SYNE1: variants seen among roughly 807,000 people sequenced by gnomAD.
SYNE1 encodes nesprin-1.
In SYNE1, 616 loss-of-function variants were observed where a neutral mutation model predicts 1,111.0. The observed-to-expected ratio is 0.55, with a 90% CI of 0.52 to 0.59. The LOEUF (loss-of-function observed/expected upper bound fraction) is 0.59. Among genes scored for constraint, SYNE1 ranks in the 20% least tolerant of loss-of-function variants. The pLI is 0.00. For missense variants in SYNE1, 10,006 were observed against 10,417.0 expected (o/e 0.96, Z 1.72); for synonymous variants, 3,855 against 3,825.8 (o/e 1.01, Z -0.28).
chr6:152,151,673 A>G lies in SYNE1; in HGVS notation c.24330T>C (p.Arg8110=), dbSNP rs994710536. 1.2e-6 allele frequency: 2 copies of G among 1,614,092 alleles called. No individual in the cohort carries two copies. The highest frequency in any genetic ancestry group is 1.7e-6 in the Non-Finnish European group (2 of 1,179,998). Residue 8110 remains arginine (R), a synonymous_variant, in exon 135 of 146, where the codon CGT becomes CGC. Transcript: ENST00000367255. ...LRRLKHFIGQ[R]EEFETARDSI... ...TGTCCCGCGCAGTCTCAAACTCCTCACGCTGGCCAATAAAATGCTGGAAGG... is the reference window on the plus strand; with the variant it reads ...TGTCCCGCGCAGTCTCAAACTCCTCGCGCTGGCCAATAAAATGCTGGAAGG...
intron 3 of SYNE1, among the ~76,000 whole-genome samples, chr6:152,558,447 T>A (rs530632004): frequency 2.0e-4 from 31 of 152,320 alleles, no homozygotes; most frequent in African/African-American, 7.2e-4. Context: ...CTACAAGAGA[T>A]TCACTTTAGC....
chr6:152,285,106 G>A (rs2094255344), intron 95 of SYNE1, among the ~76,000 whole-genome samples: 2 of 152,178 alleles, frequency 1.3e-5, no homozygotes, highest in South Asian at 4.2e-4. Flanking sequence ...GTTCACGGGT[G>A]TCTGCATAGT....
chr6:152,428,663 A>G (rs1396194314), intron 36 of SYNE1, among the ~76,000 whole-genome samples: 1 of 152,140 alleles, frequency 6.6e-6, no homozygotes, highest in African/African-American at 2.4e-5. Context: ...AAACACAAAT[A>G]TTTTAGGTGA....
At chr6:152,430,821 T>TG (rs1299421645) in intron 34 of SYNE1, 112 bp from the exon 35 acceptor site, 5 of 1,073,698 alleles carry the variant, frequency 4.7e-6, no homozygotes, top group Non-Finnish European at 7.0e-6. Context: ...TTTGAAGACT[T>TG]GGATGGTTAG....
chr6:152,468,952 A>G (rs79204980), intron 16 of SYNE1, among the ~76,000 whole-genome samples: 2 of 151,810 alleles, frequency 1.3e-5, no homozygotes, highest in Non-Finnish European at 2.9e-5. Context: ...AATTTTTAAA[A>G]TTTTTTGTAG....
intron 142 of SYNE1, chr6:152,134,110 T>G (rs940797297): frequency 6.5e-6 from 1 of 154,308 alleles, no homozygotes; most frequent in Non-Finnish European, 1.4e-5. Flanking sequence ...TTTCTTCTAA[T>G]GGAACTCAAA....
chr6:152,148,522 C>G lies in SYNE1; in HGVS notation c.24643-144G>C, dbSNP rs2152883355. The G allele has an allele frequency of 1.4e-6, 1 of 734,354 alleles. No individual in the cohort carries two copies. The highest frequency in any genetic ancestry group is 2.3e-6 in the Non-Finnish European group (1 of 435,074). 45.5% of individuals were successfully genotyped at this position (734,354 alleles called of 1,614,324 possible). A position where few individuals can be genotyped will look rare whatever the true frequency, so the allele number is the denominator to read the frequency against. ...CTTCTGATCACAGAAATACAGGGGA[C>G]AGTGCTGCTCTAGAGTTTGACTGTC... is the stretch of plus-strand genomic sequence containing the variant. On this transcript the variant is annotated intron_variant, in intron 136 of 145. Transcript: ENST00000367255. The surrounding 1 kb of genome is among the most constrained non-coding windows in gnomAD (Gnocchi z 4.1).
At chr6:152,160,978 T>C (rs1405197217) in intron 131 of SYNE1, among the ~76,000 whole-genome samples, 2 of 151,760 alleles carry the variant, frequency 1.3e-5, no homozygotes, top group Admixed American at 1.3e-4. Context: ...GTAATGTGTG[T>C]ACACATATAC....
intron 130 of SYNE1, among the ~76,000 whole-genome samples, chr6:152,166,548 G>A (rs949860960): frequency 2.0e-5 from 3 of 152,150 alleles, no homozygotes; most frequent in South Asian, 2.1e-4. Context: ...CCATAGGACC[G>A]TCTACATTAG....
Position 152,254,979 on chromosome 6 carries a change from A to G in SYNE1, c.19371T>C (p.Thr6457=). 3 of 1,614,018 alleles carry G rather than the reference A, an allele frequency of 1.9e-6. No individual in the cohort carries two copies. The highest frequency in any genetic ancestry group is 2.5e-6 in the Non-Finnish European group (3 of 1,179,958). ...ATAACCTGCCCAAAAGACAACCCAAAGTATCTTCAATAACATCTCGATTAT... is the reference window on the plus strand; with the variant it reads ...ATAACCTGCCCAAAAGACAACCCAAGGTATCTTCAATAACATCTCGATTAT... ...NGDNRDVIED[T]LGCLLGRLSL... The change falls in exon 104 of 146, where the codon ACT becomes ACC. Residue 6457 remains threonine (T), a synonymous_variant. Coordinates refer to ENST00000367255, the MANE Select transcript of SYNE1 (RefSeq NM_182961.4).
At chr6:152,350,501 G>T in intron 71 of SYNE1, 117 bp downstream of exon 71, 1 of 1,491,988 alleles carries the variant, frequency 6.7e-7, no homozygotes, top group Non-Finnish European at 9.2e-7. Context: ...ATATCCATCT[G>T]AATAAAAAAA....
intron 127 of SYNE1, 142 bp downstream of exon 127, chr6:152,201,682 C>A (rs988004036): frequency 1.7e-6 from 2 of 1,196,204 alleles, no homozygotes; most frequent in Non-Finnish European, 2.5e-6. Flanking sequence ...ACAAGTTTCA[C>A]CTGAGTTGCC....
chr6:152,263,525 C>A (rs1260057111), intron 100 of SYNE1, among the ~76,000 whole-genome samples: 9 of 151,780 alleles, frequency 5.9e-5, no homozygotes, highest in African/African-American at 2.2e-4. Flanking sequence ...CAAGTAGCCT[C>A]CCAAGTCTGG....
At chr6:152,454,387 C>T (rs888973349) in intron 24 of SYNE1, among the ~76,000 whole-genome samples, 7 of 152,156 alleles carry the variant, frequency 4.6e-5, no homozygotes, top group Non-Finnish European at 1.0e-4. Context: ...TGAGGAGGGA[C>T]ACCAGAAAGC....
chr6:152,487,548 C>A (rs2098947374), intron 12 of SYNE1, among the ~76,000 whole-genome samples: 1 of 152,132 alleles, frequency 6.6e-6, no homozygotes. Flanking sequence ...AAATCAGAAG[C>A]AGAAGTCCAA....
chr6:152,544,121 G>A (rs1285723126), intron 3 of SYNE1, among the ~76,000 whole-genome samples: 1 of 152,200 alleles, frequency 6.6e-6, no homozygotes, highest in African/African-American at 2.4e-5. Flanking sequence ...AGAGTTATGA[G>A]AATTCAGACC....
intron 38 of SYNE1, among the ~76,000 whole-genome samples, chr6:152,426,678 C>T (rs902046945): frequency 1.4e-4 from 22 of 152,264 alleles, no homozygotes; most frequent in Non-Finnish European, 1.8e-4. Context: ...AGACAGGAAC[C>T]AGATTGTAGA....
At chr6:152,572,260 A>C (rs1464397760) in intron 3 of SYNE1, among the ~76,000 whole-genome samples, 1 of 152,172 alleles carries the variant, frequency 6.6e-6, no homozygotes, top group African/African-American at 2.4e-5. Flanking sequence ...AAACTTTTAC[A>C]AACCAAAGTA....
intron 3 of SYNE1, among the ~76,000 whole-genome samples, chr6:152,597,682 A>G (rs1265555873): frequency 6.6e-6 from 1 of 152,212 alleles, no homozygotes; most frequent in Non-Finnish European, 1.5e-5. Context: ...CTGCATGTCC[A>G]CTGAAGAAAC....
Sources: allele counts gnomAD v4.1 joint callset (sites outside exome capture counted in the v4.1 genomes callset), GRCh38; gene constraint gnomAD v4.1.1; non-coding constraint Gnocchi (gnomAD v3.1); transcripts MANE v1.5; gene names NCBI Gene and HGNC (gene_info 2026-07-23, HGNC 2026-07-21).